ASB2: variants seen among roughly 807,000 people sequenced by gnomAD.
The protein encoded by ASB2 is ankyrin repeat and SOCS box containing 2, also known as ankyrin repeat and SOCS box protein 2.
Under a neutral mutation model 62.4 loss-of-function variants are expected in ASB2, and 58 were observed. The ratio of observed to expected loss-of-function variants is 0.93; its 90% CI spans 0.75 to 1.16. The LOEUF (loss-of-function observed/expected upper bound fraction) is 1.16. ASB2 is among the 50% of genes most tolerant of loss of function. The pLI is 0.00. For missense variants in ASB2, 928 were observed against 887.9 expected (o/e 1.05, Z -0.57); for synonymous variants, 386 against 385.3 (o/e 1.00, Z -0.02).
intron 7 of ASB2, among the ~76,000 whole-genome samples, chr14:93,945,632 C>G (rs78396588): frequency 0.058 from 8,889 of 152,296 alleles, 353 homozygotes; most frequent in Middle Eastern, 0.11. Context: ...CCAGATCTGT[C>G]AGCCTTGTGG....
rs563543462 is a variant in ASB2 at position 93,964,278 on chromosome 14, C to T, written c.206+56G>A. 5.6e-5 allele frequency: 82 copies of T among 1,469,492 alleles called. 2 individuals are homozygous for T. In the African/African-American group the frequency reaches 5.7e-4, roughly 10 times the overall value. 91.0% of individuals were successfully genotyped at this position (1,469,492 alleles called of 1,614,324 possible). On this transcript the variant is annotated intron_variant, in intron 2 of 9. Coordinates refer to ENST00000555019, the MANE Select transcript of ASB2 (RefSeq NM_001202429.2). ...TTGGATTAACAGCATTAGGGATCTA[C>T]AGTCTGTGGATGTCCTGGATGGCCC...
intron 2 of ASB2, chr14:93,957,191 A>G (rs1889257069): frequency 1.5e-6 from 2 of 1,325,224 alleles, no homozygotes; most frequent in South Asian, 1.9e-5. Flanking sequence ...GCAAGGTGAC[A>G]TTCTTCACCC....
chr14:93,942,981 G>A (rs2141278352), intron 7 of ASB2, among the ~76,000 whole-genome samples: 1 of 152,266 alleles, frequency 6.6e-6, no homozygotes, highest in Non-Finnish European at 1.5e-5. Context: ...AGCGCTTACT[G>A]TGTGCCAGGT....
chr14:93,937,808 C>T lies in ASB2; in HGVS notation c.1661G>A (p.Gly554Glu). 1.9e-6 allele frequency: 3 copies of T among 1,610,756 alleles called. No individual in the cohort carries two copies. Among genetic ancestry groups the T allele is most frequent in the Non-Finnish European group, 2.5e-6 (3 of 1,177,212 alleles). The stretch of plus-strand genomic sequence containing the variant: ...GTCCAGGAGGACATCGATGATGGGC[C>T]CCGCCCAGCGGCTCACCTCTGGGGC... ...VSAPEVSRWAGPIIDVLLDYV... is the reference protein window; with the variant it reads ...VSAPEVSRWAEPIIDVLLDYV... The change falls in exon 9 of 10, where the codon GGG (glycine) becomes GAG (glutamate). Residue 554 changes from glycine (G) to glutamate (E), a missense_variant. By Grantham distance (98) the Gly-to-Glu change is moderately conservative (BLOSUM62 -2). Transcript: ENST00000555019.
intron 8 of ASB2, among the ~76,000 whole-genome samples, chr14:93,938,810 C>A (rs1344566421): frequency 6.6e-6 from 1 of 152,206 alleles, no homozygotes; most frequent in Non-Finnish European, 1.5e-5. Flanking sequence ...AGTTCTGCGG[C>A]CTCTTAAGTG....
At chr14:93,960,984 T>TAAATAAAC (rs1340934157) in intron 2 of ASB2, among the ~76,000 whole-genome samples, 311 of 150,842 alleles carry the variant, frequency 2.1e-3, no homozygotes, top group Middle Eastern at 3.4e-3. Flanking sequence ...AATAAATAAA[T>TAAATAAAC]AAACAGTATC....
In ASB2 at chr14:93,939,500, C is replaced by T. The variant is rs1174624435; in HGVS notation, c.1225G>A (p.Asp409Asn). 1.2e-6 allele frequency: 2 copies of T among 1,610,510 alleles called. No homozygotes were observed. Among genetic ancestry groups the T allele is most frequent in the East Asian group, 4.5e-5 (2 of 44,764 alleles). Residue 409 changes from aspartate to asparagine, a missense_variant, in exon 8 of 10, where the codon GAC becomes AAC. By Grantham distance (23) the Asp-to-Asn change is conservative. Coordinates refer to ENST00000555019, the MANE Select transcript of ASB2 (RefSeq NM_001202429.2). ...AAGTACAGCGCGGAGCTGCGCCGGT[C>T]TTCGTAGAGGCGCGCGCGCTCGGGG... ...LAPERARLYE[D>N]RRSSALYFAV... is the part of the protein sequence containing the mutation.
chr14:93,964,276 T>TACA, intron 2 of ASB2, 58 bp downstream of exon 2: 8 of 1,452,638 alleles, frequency 5.5e-6, no homozygotes, highest in Non-Finnish European at 6.5e-6. Context: ...ATTAGGGATC[T>TACA]ACAGTCTGTG....
At position 93,934,551 on chromosome 14, in the gene ASB2, T is replaced by G. The variant is rs1888199919; in HGVS notation, c.*105A>C. The stretch of plus-strand genomic sequence containing the variant: ...TGTCCAGGCTGAGAGGGAGGCAGCC[T>G]GCAGCCTCGTCTGTCACCAGGTCCC... On this transcript the variant is annotated 3_prime_UTR_variant, in exon 10 of 10. Coordinates refer to ENST00000555019, the MANE Select transcript of ASB2 (RefSeq NM_001202429.2). The G allele has an allele frequency of 1.6e-6, 2 of 1,212,434 alleles. No homozygotes were observed. The highest frequency in any genetic ancestry group is 3.7e-5 in the Admixed American group (2 of 54,422). The allele number at this position is 1,212,434 out of a possible 1,614,324, so 75.1% of individuals were successfully genotyped here.
intron 7 of ASB2, chr14:93,944,239 TCA>T (rs2141280353): frequency 4.1e-6 from 1 of 241,010 alleles, no homozygotes; most frequent in East Asian, 1.0e-4. Context: ...CTGCGCTAAC[TCA>T]CACAGTTTCT....
chr14:93,973,872 C>G (rs1475076037), intron 1 of ASB2: 1 of 152,402 alleles, frequency 6.6e-6, no homozygotes, highest in African/African-American at 2.4e-5. Flanking sequence ...TCTGAGCCTC[C>G]CCAGCACCCC....
intron 1 of ASB2, among the ~76,000 whole-genome samples, chr14:93,975,504 C>T (rs944730776): frequency 6.6e-6 from 1 of 152,154 alleles, no homozygotes; most frequent in Non-Finnish European, 1.5e-5. Context: ...AGTGTAGGTG[C>T]CTGGCTGTGT....
chr14:93,958,664 G>A (rs187825968), intron 2 of ASB2, among the ~76,000 whole-genome samples: 1 of 152,342 alleles, frequency 6.6e-6, no homozygotes, highest in East Asian at 1.9e-4. Context: ...GACAGCTGCT[G>A]GGTTCAGTGT....
chr14:93,954,238 G>C, intron 4 of ASB2, 79 bp downstream of exon 4: 1 of 1,142,940 alleles, frequency 8.7e-7, no homozygotes, highest in Non-Finnish European at 1.3e-6. Flanking sequence ...TGTGGGCAAA[G>C]AACATGAAGC....
rs181284564 is a variant in ASB2 at position 93,968,845 on chromosome 14, A to G, written c.-73-4233T>C. Among the ~76,000 whole-genome samples the G allele has an allele frequency of 1.7e-3, 241 of 137,740 alleles. 2 individuals are homozygous for G. Among genetic ancestry groups the G allele is most frequent in the African/African-American group, 6.5e-3 (235 of 36,038 alleles). The allele number at this position is 137,740 out of a possible 152,430, so 90.4% of individuals were successfully genotyped here. A position where few individuals can be genotyped will look rare whatever the true frequency, so the allele number is the denominator to read the frequency against. ...ACCCAAGGCTGGGTACACAAAAGGTATTTAATAAATGCTAGATGGACAGGT... is the reference window on the plus strand; with the variant it reads ...ACCCAAGGCTGGGTACACAAAAGGTGTTTAATAAATGCTAGATGGACAGGT... On this transcript the variant is annotated intron_variant, in intron 1 of 9. Transcript: ENST00000555019.
rs539819541 is a variant in ASB2, at chr14:93,953,525, G to A, written c.479-18C>T. On this transcript the variant is annotated intron_variant, in intron 4 of 9. Coordinates refer to ENST00000555019, the MANE Select transcript of ASB2 (RefSeq NM_001202429.2). Reference sequence around the variant, plus strand: ...TGGGTACGCTAGGGAGGGCCCACCGGGAAATTCATGTAGGAGAAAGATACT... The same window carrying A: ...TGGGTACGCTAGGGAGGGCCCACCGAGAAATTCATGTAGGAGAAAGATACT... 3.5e-4 allele frequency: 542 copies of A among 1,552,462 alleles called. 5 individuals carry two copies. The South Asian group carries it at 5.6e-3, about 16-fold the overall frequency.
intron 6 of ASB2, 122 bp from the exon 7 acceptor site, chr14:93,947,642 C>G (rs149337803): frequency 4.2e-6 from 4 of 948,054 alleles, no homozygotes; most frequent in Non-Finnish European, 6.4e-6. Context: ...CCTTTAACAA[C>G]GACCCTTAGG....
chr14:93,965,266 C>T (rs1889552943), intron 1 of ASB2, among the ~76,000 whole-genome samples: 1 of 152,240 alleles, frequency 6.6e-6, no homozygotes. Flanking sequence ...CTCTTCTAAG[C>T]ACTGAGGATA....
chr14:93,967,275 G>C (rs947064671), intron 1 of ASB2, among the ~76,000 whole-genome samples: 4 of 152,248 alleles, frequency 2.6e-5, no homozygotes, highest in African/African-American at 9.6e-5. Flanking sequence ...TGCCAGGTCT[G>C]AGTTGGCCCA....
Sources: allele counts gnomAD v4.1 joint callset (sites outside exome capture counted in the v4.1 genomes callset), GRCh38; gene constraint gnomAD v4.1.1; transcripts MANE v1.5; gene names NCBI Gene and HGNC (gene_info 2026-07-23, HGNC 2026-07-21).